The following ARSK variants were observed in gnomAD, a reference collection of about 807,000 sequenced individuals.
ARSK encodes arylsulfatase K.
In ARSK, 37 loss-of-function variants were observed where a neutral mutation model predicts 53.2. The ratio of observed to expected loss-of-function variants is 0.70; its 90% CI spans 0.54 to 0.92. The LOEUF (loss-of-function observed/expected upper bound fraction) is 0.92. ARSK is among the 40% of genes least tolerant of loss of function. The pLI is 0.00. For synonymous variants in ARSK, 208 were observed against 223.2 expected (o/e 0.93, Z 0.61); for missense variants, 613 against 643.0 (o/e 0.95, Z 0.51).
intron 3 of ARSK, among the ~76,000 whole-genome samples, chr5:95,579,832 A>G (rs544872935): frequency 5.9e-5 from 9 of 152,236 alleles, no homozygotes; most frequent in African/African-American, 1.4e-4. Flanking sequence ...GTAGAGGACA[A>G]TCTTCTTCAA....
At chr5:95,560,352 T>C (rs78588417) in intron 1 of ARSK, among the ~76,000 whole-genome samples, 1,812 of 151,896 alleles carry the variant, frequency 0.012, 17 homozygotes, top group Non-Finnish European at 0.02. Context: ...AAAATTCATA[T>C]GGTAATTCAA....
intron 1 of ARSK, among the ~76,000 whole-genome samples, chr5:95,564,389 GAC>G (rs1748692269): frequency 6.6e-6 from 1 of 152,214 alleles, no homozygotes; most frequent in South Asian, 2.1e-4. Flanking sequence ...TTTGACATAA[GAC>G]ATGCATAATT....
At chr5:95,589,700 C>A (rs762465259) in intron 5 of ARSK, among the ~76,000 whole-genome samples, 2 of 152,110 alleles carry the variant, frequency 1.3e-5, no homozygotes, top group Non-Finnish European at 2.9e-5. Context: ...TGTGTTGATT[C>A]CATGTCTTTG....
intron 1 of ARSK, among the ~76,000 whole-genome samples, chr5:95,557,843 T>C (rs1057222143): frequency 6.6e-6 from 1 of 152,252 alleles, no homozygotes; most frequent in Non-Finnish European, 1.5e-5. Flanking sequence ...AAAACTCTTT[T>C]TTAAACTATA....
intron 6 of ARSK, among the ~76,000 whole-genome samples, chr5:95,596,086 A>C (rs1302635877): frequency 6.6e-6 from 1 of 152,186 alleles, no homozygotes; most frequent in East Asian, 1.9e-4. Context: ...CCAACAAAAC[A>C]AAGATCATTC....
At chr5:95,583,308 A>G (rs1158977980) in intron 4 of ARSK, 110 bp downstream of exon 4, 30 of 1,025,232 alleles carry the variant, frequency 2.9e-5, no homozygotes, top group East Asian at 2.1e-4. Context: ...TGAAAATTGT[A>G]TATTCAAACT....
Position 95,583,188 on chromosome 5 carries a change from G to C in ARSK, c.689G>C (p.Trp230Ser), listed in dbSNP as rs1407291528. ...GSSTFHTSLY[W>S]LEKVSHDAIK... The stretch of plus-strand genomic sequence containing the variant: ...TCAACATTTCACACATCTCTTTATT[G>C]GCTTGAAAAAGTAAGTAACTACATT... Residue 230 changes from tryptophan (W) to serine (S), a missense_variant, in exon 4 of 8, where the codon TGG becomes TCG. Trp to Ser is a radical substitution (Grantham distance 177, BLOSUM62 -3). Coordinates refer to ENST00000380009, the MANE Select transcript of ARSK (RefSeq NM_198150.3). The C allele has an allele frequency of 6.4e-7, 1 of 1,559,174 alleles. No homozygotes were observed. The highest frequency in any genetic ancestry group is 1.4e-5 in the African/African-American group (1 of 73,608).
chr5:95,557,675 G>A (rs1748548770), intron 1 of ARSK, among the ~76,000 whole-genome samples: 1 of 152,124 alleles, frequency 6.6e-6, no homozygotes, highest in Admixed American at 6.5e-5. Context: ...TTAGATTCTT[G>A]ACACTGTGAT....
At chr5:95,577,593 T>G (rs1382888472) in intron 3 of ARSK, among the ~76,000 whole-genome samples, 2 of 152,286 alleles carry the variant, frequency 1.3e-5, no homozygotes, top group East Asian at 1.9e-4. Flanking sequence ...ACATTAAACA[T>G]GTATACTCTG....
intron 7 of ARSK, among the ~76,000 whole-genome samples, 176 bp downstream of exon 7, chr5:95,601,247 G>A (rs1749398409): frequency 1.3e-5 from 2 of 152,190 alleles, no homozygotes; most frequent in Non-Finnish European, 2.9e-5. Flanking sequence ...CAGATCAGCA[G>A]CTGAATTTCA....
intron 1 of ARSK, chr5:95,556,662 A>AT (rs1018812122): frequency 3.1e-5 from 5 of 159,314 alleles, no homozygotes; most frequent in South Asian, 1.9e-4. Context: ...TAGGTTTGTT[A>AT]TTTTTTTTAG....
chr5:95,570,500 T>G (rs981946276), intron 3 of ARSK, among the ~76,000 whole-genome samples: 8 of 152,156 alleles, frequency 5.3e-5, no homozygotes, highest in African/African-American at 1.9e-4. Context: ...CTTGTAACCT[T>G]GGGCAAGTTA....
intron 6 of ARSK, 35 bp from the exon 7 acceptor site, chr5:95,600,812 C>G: frequency 6.5e-7 from 1 of 1,545,380 alleles, no homozygotes; most frequent in Non-Finnish European, 8.9e-7. Flanking sequence ...AAAGAATGAG[C>G]TATTTTAAGA....
intron 4 of ARSK, 151 bp from the exon 5 acceptor site, chr5:95,586,411 G>T (rs1041403555): frequency 3.2e-6 from 2 of 618,234 alleles, no homozygotes; most frequent in Non-Finnish European, 5.6e-6. Context: ...CCTAATTTAT[G>T]TATTGATTTG....
At chr5:95,562,293 TTCTGCA>T (rs1465666872) in intron 1 of ARSK, among the ~76,000 whole-genome samples, 2 of 152,190 alleles carry the variant, frequency 1.3e-5, no homozygotes, top group Non-Finnish European at 2.9e-5. Flanking sequence ...CAGAGGCATC[TTCTGCA>T]TCCCCACTCC....
intron 4 of ARSK, among the ~76,000 whole-genome samples, chr5:95,583,833 T>C (rs951008639): frequency 1.3e-5 from 2 of 152,186 alleles, no homozygotes. Flanking sequence ...TTGGATTACC[T>C]TCCAACATTT....
At chr5:95,581,922 A>T (rs887358958) in intron 3 of ARSK, among the ~76,000 whole-genome samples, 1 of 152,086 alleles carries the variant, frequency 6.6e-6, no homozygotes, top group Non-Finnish European at 1.5e-5. Flanking sequence ...AAGAAAAATG[A>T]ATTTTTATTA....
chr5:95,574,646 A>G (rs768591888), intron 3 of ARSK, among the ~76,000 whole-genome samples: 1 of 152,188 alleles, frequency 6.6e-6, no homozygotes, highest in Non-Finnish European at 1.5e-5. Flanking sequence ...TCTTCTTTTA[A>G]GAAATGTCTG....
Position 95,583,042 on chromosome 5 carries a change from C to A in ARSK, c.543C>A (p.Asp181Glu). 6.2e-7 allele frequency: 1 copy of A among 1,613,758 alleles called. No homozygotes were observed. The highest frequency in any genetic ancestry group is 8.5e-7 in the Non-Finnish European group (1 of 1,179,762). ...RVMERDWQNT[D>E]KAVNWLRKEA... ...TGGAAAGGGATTGGCAGAATACAGA[C>A]AAAGCAGTAAACTGGTTAAGAAAGG... The change falls in exon 4 of 8, where the codon GAC becomes GAA. Residue 181 changes from aspartate to glutamate, a missense_variant. Coordinates refer to ENST00000380009, the MANE Select transcript of ARSK (RefSeq NM_198150.3).
Sources: gnomAD v4.1 joint callset for allele counts (sites outside exome capture counted in the v4.1 genomes callset) on GRCh38, gnomAD v4.1.1 for gene constraint, MANE v1.5 for transcripts, NCBI Gene and HGNC (gene_info 2026-07-23, HGNC 2026-07-21) for gene names.